The following DDC variants were observed in gnomAD, a reference collection of about 807,000 sequenced individuals.
The protein encoded by DDC is aromatic-L-amino-acid decarboxylase.
Under a neutral mutation model 60.0 loss-of-function variants are expected in DDC, and 43 were observed. The observed-to-expected ratio is 0.72, with a 90% CI of 0.56 to 0.92. The LOEUF is 0.92. Ranked by LOEUF, DDC falls within the 40% of genes least tolerant of loss-of-function variation. The pLI is 0.00. For synonymous variants in DDC, 232 were observed against 234.6 expected, an observed-to-expected ratio of 0.99 and a Z score of 0.10; for missense variants, 573 against 620.2, an observed-to-expected ratio of 0.92 and a Z score of 0.81.
intron 7 of DDC, among the ~76,000 whole-genome samples, chr7:50,500,643 G>A (rs1272383339): frequency 6.6e-6 from 1 of 152,186 alleles, no homozygotes; most frequent in East Asian, 1.9e-4. Flanking sequence ...TGGGGGAAGT[G>A]ATGAGCCCCT....
intron 14 of DDC, among the ~76,000 whole-genome samples, chr7:50,462,244 A>T (rs922098203): frequency 6.6e-6 from 1 of 150,640 alleles, no homozygotes; most frequent in African/African-American, 2.4e-5. Context: ...AAAAAAAAAA[A>T]AAAAGAAAAT....
rs886062374 is a variant in DDC at position 50,529,300 on chromosome 7, G to A, written c.478C>T (p.Arg160Trp). 2.5e-6 allele frequency: 4 copies of A among 1,614,042 alleles called. No homozygotes were observed. The highest frequency in any genetic ancestry group is 1.3e-5 in the African/African-American group (1 of 74,926). The change falls in exon 5 of 15, where the codon CGG becomes TGG. Residue 160 changes from arginine to tryptophan, a missense_variant. Coordinates refer to ENST00000444124, the MANE Select transcript of DDC (RefSeq NM_001082971.2). The stretch of plus-strand genomic sequence containing the variant: ...TGCAGCCGATGGATCACTTTGGTCC[G>A]AGCGGCCAGCAGGGCCACCAGGGTG... ...EATLVALLAA[R>W]TKVIHRLQAA...
At chr7:50,560,607 C>T (rs1030864885) in intron 1 of DDC, among the ~76,000 whole-genome samples, 2 of 152,142 alleles carry the variant, frequency 1.3e-5, no homozygotes, top group African/African-American at 4.8e-5. Flanking sequence ...GCATAGCCTC[C>T]TTCTTTCCCA....
chr7:50,494,156 T>G (rs1297913798), intron 9 of DDC, among the ~76,000 whole-genome samples: 1 of 152,198 alleles, frequency 6.6e-6, no homozygotes, highest in African/African-American at 2.4e-5. Context: ...ATCACCCACT[T>G]TAATGCTTTA....
At chr7:50,503,222 G>A (rs908051123) in intron 7 of DDC, among the ~76,000 whole-genome samples, 8 of 152,232 alleles carry the variant, frequency 5.3e-5, no homozygotes, top group Non-Finnish European at 7.3e-5. Context: ...ACAGCCGAGC[G>A]GTCAGAACAT....
At chr7:50,553,323 A>T (rs534436912) in intron 1 of DDC, among the ~76,000 whole-genome samples, 1 of 152,272 alleles carries the variant, frequency 6.6e-6, no homozygotes, top group Non-Finnish European at 1.5e-5. Context: ...AGTAAAAAGG[A>T]GCCATAGTTT....
At chr7:50,538,589 C>G (rs1363270349) in intron 3 of DDC, among the ~76,000 whole-genome samples, 1 of 152,202 alleles carries the variant, frequency 6.6e-6, no homozygotes, top group Non-Finnish European at 1.5e-5. Flanking sequence ...CTGGTCAGCC[C>G]CATCCTGCTG....
At chr7:50,480,822 C>T (rs1037821379) in intron 9 of DDC, among the ~76,000 whole-genome samples, 6 of 152,124 alleles carry the variant, frequency 3.9e-5, no homozygotes, top group Non-Finnish European at 5.9e-5. Context: ...GTGAGAAGGC[C>T]AGGATGCCCT....
intron 6 of DDC, among the ~76,000 whole-genome samples, chr7:50,513,191 C>G (rs73121292): frequency 0.089 from 13,538 of 152,238 alleles, 957 homozygotes; most frequent in South Asian, 0.14. Context: ...GGGAGACCCT[C>G]CTCTCCTGAA....
chr7:50,550,528 A>G (rs565433615), intron 1 of DDC, among the ~76,000 whole-genome samples: 2 of 152,196 alleles, frequency 1.3e-5, no homozygotes, highest in African/African-American at 4.8e-5. Flanking sequence ...AAGGTTGAGG[A>G]CACACCCGTG....
intron 6 of DDC, among the ~76,000 whole-genome samples, chr7:50,525,052 G>C (rs932729265): frequency 1.3e-5 from 2 of 152,138 alleles, no homozygotes; most frequent in Admixed American, 1.3e-4. Context: ...GGATCTCAAG[G>C]CCATTATGCT....
Position 50,460,191 on chromosome 7 carries a change from G to C in DDC, c.*19-1348C>G, listed in dbSNP as rs1463680425. 2.8e-5 allele frequency among the ~76,000 whole-genome samples: 4 copies of C among 143,020 alleles called. No homozygotes were observed. In the South Asian group the frequency reaches 9.0e-4, roughly 32 times the overall value. 93.8% of individuals were successfully genotyped at this position (143,020 alleles called of 152,430 possible). ...CCCCGTCCGGGAAGGAGGTGGGGGGGTCAGCCCCTGGCCCGGCCAGCCGCC... is the reference window on the plus strand; with the variant it reads ...CCCCGTCCGGGAAGGAGGTGGGGGGCTCAGCCCCTGGCCCGGCCAGCCGCC... On this transcript the variant is annotated intron_variant, in intron 14 of 14. Coordinates refer to ENST00000444124, the MANE Select transcript of DDC (RefSeq NM_001082971.2).
chr7:50,562,457 A>G (rs2045363398), intron 1 of DDC, among the ~76,000 whole-genome samples: 1 of 152,238 alleles, frequency 6.6e-6, no homozygotes, highest in Non-Finnish European at 1.5e-5. Context: ...GAGTTCAGCC[A>G]TGACCACAGA....
In DDC at chr7:50,529,230, A is replaced by C. The variant is rs1164723041; in HGVS notation, c.548T>G (p.Leu183Arg). The change falls in exon 5 of 15, where the codon CTG becomes CGG. Residue 183 changes from leucine (L) to arginine (R), a missense_variant. Transcript: ENST00000444124. ...CACCTGATCGGATGAGTAAGCCACC[A>C]GCTTCTCCATGATAGCGGCCTGTGT... ...ELTQAAIMEK[L>R]VAYSSDQAHS... is the part of the protein sequence containing the mutation. 1.9e-6 allele frequency: 3 copies of C among 1,613,592 alleles called. No homozygotes were observed. Among genetic ancestry groups the C allele is most frequent in the South Asian group, 1.1e-5 (1 of 91,054 alleles).
At chr7:50,526,880 T>C (rs1363025672) in intron 6 of DDC, among the ~76,000 whole-genome samples, 1 of 152,164 alleles carries the variant, frequency 6.6e-6, no homozygotes, top group Non-Finnish European at 1.5e-5. Flanking sequence ...ATAAAGGGCA[T>C]CTCCTAGTGA....
intron 9 of DDC, among the ~76,000 whole-genome samples, chr7:50,482,570 A>G (rs1436477814): frequency 6.6e-6 from 1 of 152,130 alleles, no homozygotes; most frequent in Non-Finnish European, 1.5e-5. Flanking sequence ...CTTCCTCACT[A>G]TATTTTTTTT....
At chr7:50,461,055 A>T (rs1193690164) in intron 14 of DDC, among the ~76,000 whole-genome samples, 2 of 143,902 alleles carry the variant, frequency 1.4e-5, no homozygotes, top group East Asian at 1.9e-4. Flanking sequence ...ATAAAAAAAA[A>T]AATAAATAAA....
intron 11 of DDC, among the ~76,000 whole-genome samples, chr7:50,475,528 A>AG (rs2042622770): frequency 6.6e-6 from 1 of 152,076 alleles, no homozygotes; most frequent in Non-Finnish European, 1.5e-5. Context: ...TGTCACAGGA[A>AG]GAAGGCAAGC....
chr7:50,547,680 AG>A (rs2044852198), intron 1 of DDC, among the ~76,000 whole-genome samples: 1 of 152,184 alleles, frequency 6.6e-6, no homozygotes, highest in Non-Finnish European at 1.5e-5. Flanking sequence ...TCCGAGACCG[AG>A]AGCCAAAGAA....
Sources: gnomAD v4.1 joint callset for allele counts (sites outside exome capture counted in the v4.1 genomes callset) on GRCh38, gnomAD v4.1.1 for gene constraint, MANE v1.5 for transcripts, NCBI Gene and HGNC (gene_info 2026-07-23, HGNC 2026-07-21) for gene names.